The following ADI1 variants were observed in gnomAD, a reference collection of about 807,000 sequenced individuals.
The protein encoded by ADI1 is acireductone dioxygenase 1.
In ADI1, 21 loss-of-function variants were observed where a neutral mutation model predicts 18.7. The observed-to-expected ratio is 1.13, with a 90% CI of 0.80 to 1.62. The LOEUF is 1.62. Among genes scored for constraint, ADI1 ranks in the 40% most tolerant of loss-of-function variants. The pLI is 0.00. For missense variants in ADI1, 245 were observed against 254.9 expected, an observed-to-expected ratio of 0.96 and a Z score of 0.26; for synonymous variants, 90 against 100.1, an observed-to-expected ratio of 0.90 and a Z score of 0.60.
chr2:3,516,673 A>T, intron 1 of ADI1: 9 of 933,084 alleles, frequency 9.6e-6, no homozygotes, highest in Non-Finnish European at 1.2e-5. Flanking sequence ...GTTGTTTATA[A>T]ATTGCCCAGT....
intron 2 of ADI1, among the ~76,000 whole-genome samples, chr2:3,502,983 G>A (rs1667061122): frequency 6.6e-6 from 1 of 152,056 alleles, no homozygotes; most frequent in Admixed American, 6.6e-5. Context: ...ATACTGATGA[G>A]GAAGGCAAAG....
intron 2 of ADI1, 79 bp from the exon 3 acceptor site, chr2:3,501,072 G>A: frequency 7.4e-7 from 1 of 1,346,608 alleles, no homozygotes; most frequent in Non-Finnish European, 1.0e-6. Context: ...AGCAGCCTGA[G>A]CCTTTGGTGG....
chr2:3,507,617 C>T (rs115975039), intron 2 of ADI1, among the ~76,000 whole-genome samples: 3,523 of 152,126 alleles, frequency 0.023, 149 homozygotes, highest in African/African-American at 0.08. Flanking sequence ...AAGAATTTGT[C>T]GCCCGTAGAC....
Position 3,503,264 on chromosome 2 carries a change from AAC to A in ADI1, c.241-2273_241-2272del, listed in dbSNP as rs938189893. Among the ~76,000 whole-genome samples the A allele has an allele frequency of 1.4e-5, 2 of 139,774 alleles. 1 individual carries two copies. Among genetic ancestry groups the A allele is most frequent in the South Asian group, 4.4e-4 (2 of 4,498 alleles). 91.7% of individuals were successfully genotyped at this position (139,774 alleles called of 152,430 possible). Reference sequence around the variant, plus strand: ...TGCATTCACACACATGCACACACGTAACACTCACTCATGTGCATTCACACACA... The same window carrying A: ...TGCATTCACACACATGCACACACGTAACTCACTCATGTGCATTCACACACA... On this transcript the variant is annotated intron_variant, in intron 2 of 3. Transcript: ENST00000327435.
At chr2:3,501,014 C>G in intron 2 of ADI1, 21 bp from the exon 3 acceptor site, 2 of 1,564,822 alleles carry the variant, frequency 1.3e-6, no homozygotes, top group Non-Finnish European at 1.7e-6. Context: ...AGGAACATTC[C>G]TGTGAGTCTA....
intron 2 of ADI1, among the ~76,000 whole-genome samples, chr2:3,507,939 C>T (rs1340325825): frequency 6.6e-6 from 1 of 150,788 alleles, no homozygotes; most frequent in Middle Eastern, 3.2e-3. Context: ...TCTGAGGCAA[C>T]CACTAAATTT....
rs567130793 is a variant in ADI1 at position 3,508,520 on chromosome 2, T to C, written c.240+5337A>G. On this transcript the variant is annotated intron_variant, in intron 2 of 3. Transcript: ENST00000327435. The stretch of plus-strand genomic sequence containing the variant: ...TTAAAAAAACTAACTATAATACATG[T>C]CATCTACAAGAAGCCCTCTCTAAAT... Among the ~76,000 whole-genome samples, 106 of 152,126 alleles carry C rather than the reference T, an allele frequency of 7.0e-4. 2 individuals carry two copies. Among genetic ancestry groups the C allele is most frequent in the Middle Eastern group, 6.8e-3 (2 of 294 alleles).
chr2:3,507,015 A>T (rs1251813266), intron 2 of ADI1, among the ~76,000 whole-genome samples: 1 of 152,120 alleles, frequency 6.6e-6, no homozygotes, highest in Non-Finnish European at 1.5e-5. Flanking sequence ...TACTTTTTCC[A>T]TAGAGCCCTT....
At chr2:3,500,651 A>T in intron 3 of ADI1, 163 bp downstream of exon 3, 1 of 927,976 alleles carries the variant, frequency 1.1e-6, no homozygotes, top group Non-Finnish European at 1.7e-6. Context: ...CACCTCGGAC[A>T]TCGCCTGCGG....
chr2:3,509,854 A>AG (rs1382677771), intron 2 of ADI1, among the ~76,000 whole-genome samples: 1 of 151,478 alleles, frequency 6.6e-6, no homozygotes, highest in African/African-American at 2.4e-5. Context: ...AAAAAAAAAA[A>AG]TTAGGCAGGC....
chr2:3,498,597 C>T lies in ADI1; in HGVS notation c.*366G>A, dbSNP rs1007971800. On this transcript the variant is annotated 3_prime_UTR_variant, in exon 4 of 4. Transcript: ENST00000327435. ...AAAAAAGTGTCTTCTATCTGGCTAGCTGTGTTATCTAGGATTGCACCTTCT... is the reference window on the plus strand; with the variant it reads ...AAAAAAGTGTCTTCTATCTGGCTAGTTGTGTTATCTAGGATTGCACCTTCT... 1.7e-4 allele frequency: 30 copies of T among 179,428 alleles called. No homozygotes were observed. The highest frequency in any genetic ancestry group is 6.3e-4 in the African/African-American group (27 of 42,738). 11.1% of individuals were successfully genotyped at this position (179,428 alleles called of 1,614,324 possible).
chr2:3,502,450 CTTTTTTT>C (rs35773710), intron 2 of ADI1, among the ~76,000 whole-genome samples: 5 of 130,768 alleles, frequency 3.8e-5, no homozygotes, highest in African/African-American at 1.2e-4. Context: ...GGAAATAGCT[CTTTTTTT>C]TTTTTTTTTT....
intron 2 of ADI1, among the ~76,000 whole-genome samples, chr2:3,510,939 A>C (rs6605292): frequency 0.5 from 76,404 of 152,136 alleles, 22,461 homozygotes; most frequent in African/African-American, 0.83. Context: ...ATGAGATCAG[A>C]ATTACTCTGA....
intron 3 of ADI1, among the ~76,000 whole-genome samples, chr2:3,499,968 G>A (rs927683007): frequency 5.3e-5 from 8 of 152,018 alleles, no homozygotes; most frequent in Non-Finnish European, 1.2e-4. Context: ...AGGAGGCTGA[G>A]GCAGGAGAAT....
At chr2:3,500,731 A>G in intron 3 of ADI1, 83 bp downstream of exon 3, 1 of 1,577,884 alleles carries the variant, frequency 6.3e-7, no homozygotes, top group Non-Finnish European at 8.7e-7. Context: ...GAGTCTGCGG[A>G]AGCCGCGCAG....
intron 2 of ADI1, among the ~76,000 whole-genome samples, chr2:3,506,160 A>G (rs1476291868): frequency 6.6e-6 from 1 of 152,234 alleles, no homozygotes; most frequent in East Asian, 1.9e-4. Context: ...TGAAGTTCAC[A>G]GCCCAGAGGC....
At chr2:3,518,501 G>T (rs1444408938) in intron 1 of ADI1, among the ~76,000 whole-genome samples, 1 of 152,218 alleles carries the variant, frequency 6.6e-6, no homozygotes, top group Non-Finnish European at 1.5e-5. Flanking sequence ...TGCAAGCAAC[G>T]GGACACCGGT....
intron 3 of ADI1, chr2:3,500,504 G>C: frequency 3.5e-6 from 1 of 288,728 alleles, no homozygotes; most frequent in East Asian, 6.3e-5. Context: ...CTGGGGCAGG[G>C]CCAGGCTCGT....
chr2:3,498,863 A>G lies in ADI1; in HGVS notation c.*100T>C. 1.4e-6 allele frequency: 2 copies of G among 1,475,984 alleles called. No individual in the cohort carries two copies. The highest frequency in any genetic ancestry group is 1.4e-5 in the South Asian group (1 of 73,202). 91.4% of individuals were successfully genotyped at this position (1,475,984 alleles called of 1,614,324 possible). A position where few individuals can be genotyped will look rare whatever the true frequency, so the allele number is the denominator to read the frequency against. On this transcript the variant is annotated 3_prime_UTR_variant, in exon 4 of 4. Transcript: ENST00000327435. Reference sequence around the variant, plus strand: ...TACAAAGGAAAGATAATCTAGCCTCAAGGCTATCCTCTAAAAGCAAAGAGA... The same window carrying G: ...TACAAAGGAAAGATAATCTAGCCTCGAGGCTATCCTCTAAAAGCAAAGAGA...
Sources: gnomAD v4.1 joint callset for allele counts (sites outside exome capture counted in the v4.1 genomes callset) on GRCh38, gnomAD v4.1.1 for gene constraint, MANE v1.5 for transcripts, NCBI Gene and HGNC (gene_info 2026-07-23, HGNC 2026-07-21) for gene names.